The following CACNA1B variants were observed in gnomAD, a reference collection of about 807,000 sequenced individuals.
The protein encoded by CACNA1B is voltage-dependent N-type calcium channel subunit alpha-1B.
In CACNA1B, 70 loss-of-function variants were observed where a neutral mutation model predicts 247.2. That is an observed-to-expected ratio of 0.28 (90% CI 0.23 to 0.35). The LOEUF is 0.35. Among genes scored for constraint, CACNA1B ranks in the 10% least tolerant of loss-of-function variants. The probability of loss-of-function intolerance (pLI) is 1.00; values close to 1 mark genes in which losing one functional copy is unlikely to be tolerated. For synonymous variants in CACNA1B, 1,231 were observed against 1,294.4 expected (o/e 0.95, Z 1.05); for missense variants, 2,367 against 3,197.4 (o/e 0.74, Z 6.26).
chr9:138,052,150 C>G lies in CACNA1B; in HGVS notation c.3769C>G (p.Arg1257Gly). The G allele has an allele frequency of 6.2e-7, 1 of 1,611,668 alleles. No homozygotes were observed. Among genetic ancestry groups the G allele is most frequent in the Non-Finnish European group, 8.5e-7 (1 of 1,178,442 alleles). The change falls in exon 25 of 47, where the codon CGG (arginine) becomes GGG (glycine). Residue 1257 changes from arginine to glycine, a missense_variant. By Grantham distance (125) the Arg-to-Gly change is moderately radical (BLOSUM62 -2). Coordinates refer to ENST00000371372, the MANE Select transcript of CACNA1B (RefSeq NM_000718.4). This position sits in a 1 kb window ranked among gnomAD's most constrained non-coding sequence, Gnocchi z 5.1. ...GTCTCTGAGAGTCCTTCGTGTCCTG[C>G]GGCCCCTCAAGACCATCAAACGGCT... ...IKSLRVLRVL[R>G]PLKTIKRLPK...
chr9:137,958,796 T>C (rs1957978783), intron 10 of CACNA1B, among the ~76,000 whole-genome samples: 1 of 152,252 alleles, frequency 6.6e-6, no homozygotes. Context: ...ATGTGACGGC[T>C]CCTTTTGATT....
rs535731061 is a variant in CACNA1B, at chr9:137,899,926, G to A, written c.531-13254G>A. Reference sequence around the variant, plus strand: ...GTCCAGGTTGATGGGGCGTGGGTAGGGCTCTGTGCCACAGGGACGGGGTAC... The same window carrying A: ...GTCCAGGTTGATGGGGCGTGGGTAGAGCTCTGTGCCACAGGGACGGGGTAC... On this transcript the variant is annotated intron_variant, in intron 3 of 46. Transcript: ENST00000371372. The surrounding 1 kb of genome is among the most constrained non-coding windows in gnomAD (Gnocchi z 5.0). Among the ~76,000 whole-genome samples, 139 of 152,300 alleles carry A rather than the reference G, an allele frequency of 9.1e-4. No individual in the cohort carries two copies. The highest frequency in any genetic ancestry group is 3.3e-3 in the African/African-American group (136 of 41,572).
At chr9:138,008,196 G>A (rs1284188054) in intron 16 of CACNA1B, among the ~76,000 whole-genome samples, 1 of 152,242 alleles carries the variant, frequency 6.6e-6, no homozygotes, top group Non-Finnish European at 1.5e-5. Context: ...AGCCCCGGTT[G>A]TCAGAGAGGG....
intron 12 of CACNA1B, among the ~76,000 whole-genome samples, chr9:137,977,709 C>G (rs890370910): frequency 5.3e-5 from 8 of 152,094 alleles, no homozygotes; most frequent in South Asian, 2.1e-4. Flanking sequence ...TGGGTGGGCA[C>G]GCCGCCCCCT....
intron 6 of CACNA1B, among the ~76,000 whole-genome samples, chr9:137,948,476 G>T (rs995402825): frequency 2.0e-5 from 3 of 151,758 alleles, no homozygotes; most frequent in Admixed American, 1.3e-4. Context: ...TCATTCTCTT[G>T]TTATGCATTT....
chr9:138,051,736 T>C lies in CACNA1B; in HGVS notation c.3711-356T>C, dbSNP rs954194870. On this transcript the variant is annotated intron_variant, in intron 24 of 46. Transcript: ENST00000371372. This position sits in a 1 kb window ranked among gnomAD's most constrained non-coding sequence, Gnocchi z 4.3. Reference sequence around the variant, plus strand: ...GAAGATTCTCGCCCTAGAAACGTGCTTGTGGGCTCCCACTTCTGGGTCTGC... The same window carrying C: ...GAAGATTCTCGCCCTAGAAACGTGCCTGTGGGCTCCCACTTCTGGGTCTGC... Among the ~76,000 whole-genome samples, 16 of 152,154 alleles carry C rather than the reference T, an allele frequency of 1.1e-4. No homozygotes were observed. Among genetic ancestry groups the C allele is most frequent in the Admixed American group, 1.0e-3 (16 of 15,282 alleles).
chr9:138,094,442 T>TAAAAAAAAAA (rs753995157), intron 36 of CACNA1B, among the ~76,000 whole-genome samples: 18 of 93,712 alleles, frequency 1.9e-4, no homozygotes, highest in East Asian at 3.5e-4. Flanking sequence ...TTTACTACAG[T>TAAAAAAAAAA]AAAAAAAAAA....
At chr9:137,920,203 T>A (rs1483154118) in intron 6 of CACNA1B, among the ~76,000 whole-genome samples, 1 of 152,056 alleles carries the variant, frequency 6.6e-6, no homozygotes, top group African/African-American at 2.4e-5. Flanking sequence ...CTGGACACTT[T>A]CTTTTTTTTT....
intron 31 of CACNA1B, chr9:138,068,603 C>T (rs780525712): frequency 1.2e-5 from 6 of 518,888 alleles, no homozygotes; most frequent in Non-Finnish European, 2.3e-5. Flanking sequence ...AGGGCCTCCT[C>T]CTTGGAAACA....
At chr9:137,936,303 A>G (rs555647063) in intron 6 of CACNA1B, among the ~76,000 whole-genome samples, 27 of 152,236 alleles carry the variant, frequency 1.8e-4, no homozygotes, top group Admixed American at 1.3e-4. Flanking sequence ...TTTGAAAAGT[A>G]TCCTTTGCCC....
intron 36 of CACNA1B, among the ~76,000 whole-genome samples, chr9:138,094,501 A>G (rs1960995794): frequency 6.6e-6 from 1 of 151,606 alleles, no homozygotes; most frequent in Admixed American, 6.6e-5. Flanking sequence ...TCTCCCAAAT[A>G]TACAAGAGGA....
intron 39 of CACNA1B, among the ~76,000 whole-genome samples, chr9:138,108,028 CAAAAA>C (rs781314090): frequency 1.1e-5 from 1 of 88,646 alleles, no homozygotes. Flanking sequence ...CACCAGAGGA[CAAAAA>C]AAAAAAAAAA....
intron 31 of CACNA1B, among the ~76,000 whole-genome samples, chr9:138,064,594 CA>C (rs1410154164): frequency 6.6e-6 from 1 of 152,262 alleles, no homozygotes; most frequent in African/African-American, 2.4e-5. Flanking sequence ...TTAGCCGAAG[CA>C]GCATCCTTGT....
At chr9:138,033,119 A>G (rs997658771) in intron 20 of CACNA1B, among the ~76,000 whole-genome samples, 9 of 152,064 alleles carry the variant, frequency 5.9e-5, no homozygotes, top group African/African-American at 7.2e-5. Context: ...CTATTATTCT[A>G]TCTTCCAGTT....
At chr9:138,104,742 G>C (rs1425455852) in intron 38 of CACNA1B, among the ~76,000 whole-genome samples, 2 of 152,262 alleles carry the variant, frequency 1.3e-5, no homozygotes, top group African/African-American at 4.8e-5. Flanking sequence ...CTGGGGAGGA[G>C]CTCCTGTCTC....
chr9:137,971,609 C>T lies in CACNA1B; in HGVS notation c.1543+17C>T, dbSNP rs1958150698. 6.2e-7 allele frequency: 1 copy of T among 1,601,382 alleles called. No individual in the cohort carries two copies. The highest frequency in any genetic ancestry group is 1.3e-5 in the African/African-American group (1 of 74,704). On this transcript the variant is annotated intron_variant, in intron 11 of 46. Coordinates refer to ENST00000371372, the MANE Select transcript of CACNA1B (RefSeq NM_000718.4). The surrounding 1 kb of genome is among the most constrained non-coding windows in gnomAD (Gnocchi z 4.4). ...CGACCCTGTGTACGTATCCCCGTCC[C>T]TCCCTCAGGTGCTTCCTGAGCATCT...
At chr9:137,934,523 A>G (rs1051759686) in intron 6 of CACNA1B, among the ~76,000 whole-genome samples, 1 of 152,234 alleles carries the variant, frequency 6.6e-6, no homozygotes, top group Non-Finnish European at 1.5e-5. Flanking sequence ...GAAATAAATC[A>G]GGAAAGCCGA....
rs555678064 is a variant in CACNA1B at position 138,061,447 on chromosome 9, G to A, written c.4668+1710G>A. The stretch of plus-strand genomic sequence containing the variant: ...CTCCATCCATACATTTTACTGATTG[G>A]GCACCCAGTACCATCGATTGGCCGT... On this transcript the variant is annotated intron_variant, in intron 31 of 46. Coordinates refer to ENST00000371372, the MANE Select transcript of CACNA1B (RefSeq NM_000718.4). Among the ~76,000 whole-genome samples the A allele has an allele frequency of 6.6e-5, 10 of 152,212 alleles. No individual in the cohort carries two copies. In the East Asian group the frequency reaches 1.9e-3, roughly 29 times the overall value.
rs142775863 is a variant in CACNA1B at position 138,076,467 on chromosome 9, C to T, written c.4949+557C>T. 5.8e-3 allele frequency among the ~76,000 whole-genome samples: 890 copies of T among 152,304 alleles called. 36 individuals carry two copies. Among genetic ancestry groups the T allele is most frequent in the Non-Finnish European group, 1.1e-3 (76 of 68,022 alleles). ...TTCCACCATCTCTCATGGGAGCTGC[C>T]GTTCCCTGGGCTCCTGGATCCAGCC... is the stretch of plus-strand genomic sequence containing the variant. On this transcript the variant is annotated intron_variant, in intron 35 of 46. Transcript: ENST00000371372.
Sources: allele counts gnomAD v4.1 joint callset (sites outside exome capture counted in the v4.1 genomes callset), GRCh38; gene constraint gnomAD v4.1.1; non-coding constraint Gnocchi (gnomAD v3.1); transcripts MANE v1.5; gene names NCBI Gene and HGNC (gene_info 2026-07-23, HGNC 2026-07-21).